The following FHDC1 variants were observed in gnomAD, a reference collection of about 807,000 sequenced individuals.
The protein encoded by FHDC1 is FH2 domain containing 1, also known as FH2 domain-containing protein 1.
In FHDC1, 25 loss-of-function variants were observed where a neutral mutation model predicts 52.6. The observed-to-expected ratio is 0.48, with a 90% CI of 0.35 to 0.66. The LOEUF is 0.66. Among genes scored for constraint, FHDC1 ranks in the 30% least tolerant of loss-of-function variants. The pLI, the probability that FHDC1 is intolerant of heterozygous loss-of-function variation, is 0.01. For synonymous variants in FHDC1, 616 were observed against 581.5 expected (o/e 1.06, Z -0.85); for missense variants, 1,459 against 1,452.8 (o/e 1.00, Z -0.07).
At chr4:152,924,324 C>T in the FHDC1 span, among the ~76,000 whole-genome samples, 2 of 152,112 alleles carry the variant, frequency 1.3e-5, no homozygotes, top group Non-Finnish European at 2.9e-5. Flanking sequence ...CATCTCACAC[C>T]AGTTAGAATG....
intron 6 of FHDC1, among the ~76,000 whole-genome samples, chr4:152,962,456 C>T (rs1740308016): frequency 6.6e-6 from 1 of 152,142 alleles, no homozygotes. Flanking sequence ...AGTGGATATA[C>T]AAGGAAAAAT....
At chr4:152,970,772 A>G (rs983507816) in intron 10 of FHDC1, among the ~76,000 whole-genome samples, 3 of 152,038 alleles carry the variant, frequency 2.0e-5, no homozygotes, top group African/African-American at 7.3e-5. Flanking sequence ...GTTTCTTACT[A>G]CCTCTTGAGT....
In FHDC1 at chr4:152,978,923, G is replaced by T. The variant is rs1427364377; in HGVS notation, c.*2200G>T. 1 of 152,096 alleles carries T rather than the reference G, an allele frequency of 6.6e-6. No homozygotes were observed. Among genetic ancestry groups the T allele is most frequent in the African/African-American group, 2.4e-5 (1 of 41,394 alleles). The allele number at this position is 152,096 out of a possible 1,614,324, so 9.4% of individuals were successfully genotyped here. ...CTCTTGTAAAAACAGCCCTGAGTAG[G>T]TATTTCCAGGGCTCCACAAAGTTGC... is the stretch of plus-strand genomic sequence containing the variant. On this transcript the variant is annotated 3_prime_UTR_variant, in exon 12 of 12. Coordinates refer to ENST00000511601, the MANE Select transcript of FHDC1 (RefSeq NM_001371116.1).
In FHDC1 at chr4:152,943,167, C is replaced by T. The variant is rs143517341; in HGVS notation, c.110C>T (p.Pro37Leu). The T allele has an allele frequency of 1.4e-4, 221 of 1,613,436 alleles. No individual in the cohort carries two copies. In the African/African-American group the frequency reaches 2.6e-3, roughly 19 times the overall value. ...ACACCTCCTCCAGCACCTCCTCCAC[C>T]TCCTCCTCCACCCCCTCCATCTCCA... ...GQTPPPAPPP[P>L]PPPPPPSPPC... The change falls in exon 2 of 12, where the codon CCT becomes CTT. Residue 37 changes from proline (P) to leucine (L), a missense_variant. Pro to Leu is a moderately conservative substitution (Grantham distance 98, BLOSUM62 -3). Around this residue, in one of 3 missense-constraint regions of FHDC1, gnomAD observed 513 missense variants for 581.5 expected, o/e 0.88. Transcript: ENST00000511601.
At chr4:152,942,191 A>G (rs987574936) in intron 1 of FHDC1, among the ~76,000 whole-genome samples, 7 of 152,336 alleles carry the variant, frequency 4.6e-5, no homozygotes, top group Middle Eastern at 3.4e-3. Flanking sequence ...TGGCTTAACT[A>G]GAATCTAAGA....
At chr4:152,967,717 C>T (rs1740506705) in intron 9 of FHDC1, among the ~76,000 whole-genome samples, 2 of 152,196 alleles carry the variant, frequency 1.3e-5, no homozygotes, top group South Asian at 4.1e-4. Context: ...AAAACGTTTG[C>T]AGATCCCATG....
chr4:152,912,447 TTTAC>T, the FHDC1 span: 23 of 152,288 alleles, frequency 1.5e-4, no homozygotes, highest in Middle Eastern at 3.4e-3. Flanking sequence ...TCTTTGCACT[TTTAC>T]TTACTTACTC....
At chr4:152,968,701 T>A (rs1335749035) in intron 10 of FHDC1, among the ~76,000 whole-genome samples, 1 of 152,206 alleles carries the variant, frequency 6.6e-6, no homozygotes, top group African/African-American at 2.4e-5. Flanking sequence ...GTTTGCACGA[T>A]TGCAGTTTAC....
In FHDC1 at chr4:152,976,581, A is replaced by G. The variant is rs1482307527; in HGVS notation, c.3290A>G (p.Lys1097Arg). The G allele has an allele frequency of 6.2e-7, 1 of 1,612,486 alleles. No homozygotes were observed. The highest frequency in any genetic ancestry group is 8.5e-7 in the Non-Finnish European group (1 of 1,179,528). Reference protein sequence around the residue: ...RRASSARAPKKRPESAEGPSA... With the variant: ...RRASSARAPKRRPESAEGPSA... ...GCCAGCAGTGCCCGGGCCCCCAAGAAGCGCCCAGAGTCTGCGGAGGGTCCC... is the reference window on the plus strand; with the variant it reads ...GCCAGCAGTGCCCGGGCCCCCAAGAGGCGCCCAGAGTCTGCGGAGGGTCCC... The change falls in exon 12 of 12, where the codon AAG becomes AGG. Residue 1097 changes from lysine to arginine, a missense_variant. Around this residue, in one of 3 missense-constraint regions of FHDC1, gnomAD observed 939 missense variants for 854.5 expected, o/e 1.10. Coordinates refer to ENST00000511601, the MANE Select transcript of FHDC1 (RefSeq NM_001371116.1).
upstream of FHDC1, among the ~76,000 whole-genome samples, chr4:152,932,401 CAA>C (rs58456339): frequency 1.4e-5 from 2 of 145,232 alleles, no homozygotes; most frequent in East Asian, 2.0e-4. Flanking sequence ...GACTCTATCT[CAA>C]AAAAAAAAAA....
chr4:152,974,523 T>C, intron 11 of FHDC1, 152 bp from the exon 12 acceptor site: 2 of 1,178,840 alleles, frequency 1.7e-6, no homozygotes, highest in African/African-American at 1.5e-5. Flanking sequence ...CACATGCATG[T>C]GCACACACAC....
chr4:152,918,895 G>T, the FHDC1 span, among the ~76,000 whole-genome samples: 2 of 152,208 alleles, frequency 1.3e-5, no homozygotes, highest in African/African-American at 4.8e-5. Flanking sequence ...TTGCTGAATG[G>T]CTGACTGGTC....
intron 2 of FHDC1, among the ~76,000 whole-genome samples, chr4:152,945,247 T>C (rs1739694588): frequency 6.6e-6 from 1 of 152,102 alleles, no homozygotes; most frequent in Admixed American, 6.5e-5. Flanking sequence ...TCAACTATGA[T>C]AGAAGCAGAG....
the FHDC1 span, among the ~76,000 whole-genome samples, chr4:152,921,580 TCCTTCCTC>T: frequency 1.2e-3 from 164 of 138,592 alleles, no homozygotes; most frequent in South Asian, 3.9e-3. Flanking sequence ...CTTCCTTCCT[TCCTTCCTC>T]CCTCCCTCCC....
the FHDC1 span, among the ~76,000 whole-genome samples, chr4:152,921,593 C>T: frequency 1.4e-5 from 2 of 138,850 alleles, no homozygotes; most frequent in Non-Finnish European, 3.1e-5. Flanking sequence ...TTCCTCCCTC[C>T]CTCCCTCCCT....
In FHDC1 at chr4:152,975,995, A is replaced by G; in HGVS notation, c.2704A>G (p.Met902Val). The change falls in exon 12 of 12, where the codon ATG (methionine) becomes GTG (valine). Residue 902 changes from methionine to valine, a missense_variant. By Grantham distance (21) the Met-to-Val change is conservative. Around this residue, in one of 3 missense-constraint regions of FHDC1, gnomAD observed 939 missense variants for 854.5 expected, o/e 1.10. Transcript: ENST00000511601. ...RTLTASENES[M>V]RKVMPITKSS... is the part of the protein sequence containing the mutation. ...CCTGACCGCCTCAGAGAACGAGAGCATGCGCAAGGTCATGCCCATCACCAA... is the reference window on the plus strand; with the variant it reads ...CCTGACCGCCTCAGAGAACGAGAGCGTGCGCAAGGTCATGCCCATCACCAA... 5.9e-6 allele frequency: 9 copies of G among 1,528,248 alleles called. No individual in the cohort carries two copies. Among genetic ancestry groups the G allele is most frequent in the Non-Finnish European group, 7.9e-6 (9 of 1,140,628 alleles). The allele number at this position is 1,528,248 out of a possible 1,614,324, so 94.7% of individuals were successfully genotyped here. A position where few individuals can be genotyped will look rare whatever the true frequency, so the allele number is the denominator to read the frequency against.
chr4:152,954,778 A>G (rs1020894693), intron 4 of FHDC1, among the ~76,000 whole-genome samples: 1 of 152,190 alleles, frequency 6.6e-6, no homozygotes, highest in African/African-American at 2.4e-5. Flanking sequence ...ACATAAAAGT[A>G]AAAAGTGACC....
chr4:152,924,594 A>G, the FHDC1 span, among the ~76,000 whole-genome samples: 1 of 152,166 alleles, frequency 6.6e-6, no homozygotes, highest in Non-Finnish European at 1.5e-5. Context: ...ACAACAGCAA[A>G]GACTTGGAAC....
intron 10 of FHDC1, among the ~76,000 whole-genome samples, chr4:152,968,960 C>CCCACAGGCCCACA (rs1740552515): frequency 1.3e-5 from 2 of 152,150 alleles, no homozygotes; most frequent in South Asian, 4.2e-4. Flanking sequence ...GTACGCAGGG[C>CCCACAGGCCCACA]CCACAGGGTG....
Sources: gnomAD v4.1 joint callset for allele counts (sites outside exome capture counted in the v4.1 genomes callset) on GRCh38, gnomAD v4.1.1 for gene constraint, gnomAD v4.1.1 regional missense constraint, MANE v1.5 for transcripts, NCBI Gene and HGNC (gene_info 2026-07-23, HGNC 2026-07-21) for gene names.